Variants in LUZP2 observed in about 807,000 individuals in gnomAD.
LUZP2 encodes leucine zipper protein 2.
In LUZP2, 52 loss-of-function variants were observed where a neutral mutation model predicts 51.6. The ratio of observed to expected loss-of-function variants is 1.01; its 90% CI spans 0.81 to 1.27. The LOEUF (loss-of-function observed/expected upper bound fraction) is 1.27. LUZP2 is among the 50% of genes most tolerant of loss of function. The pLI is 0.00. For missense variants in LUZP2, 436 were observed against 395.4 expected, an observed-to-expected ratio of 1.10 and a Z score of -0.87; for synonymous variants, 154 against 137.3, an observed-to-expected ratio of 1.12 and a Z score of -0.85.
rs138318477 is a variant in LUZP2, at chr11:24,898,885, A to G, written c.397-7106A>G. Among the ~76,000 whole-genome samples, 507 of 151,774 alleles carry G rather than the reference A, an allele frequency of 3.3e-3. 4 individuals are homozygous for G. Among genetic ancestry groups the G allele is most frequent in the African/African-American group, 0.012 (475 of 41,050 alleles). On this transcript the variant is annotated intron_variant, in intron 5 of 11. Transcript: ENST00000336930. ...TACAGTGTTCTATTAGATGGGACCAATGTTAAAAATAAACTCTGAGTTAAG... is the reference window on the plus strand; with the variant it reads ...TACAGTGTTCTATTAGATGGGACCAGTGTTAAAAATAAACTCTGAGTTAAG...
chr11:24,753,940 T>C (rs1044083795), intron 4 of LUZP2, among the ~76,000 whole-genome samples: 1 of 152,196 alleles, frequency 6.6e-6, no homozygotes, highest in African/African-American at 2.4e-5. Flanking sequence ...CAAACTGGTT[T>C]GGGGCCCTTT....
chr11:24,938,801 A>G (rs1438364244), intron 7 of LUZP2, among the ~76,000 whole-genome samples: 1 of 152,212 alleles, frequency 6.6e-6, no homozygotes, highest in Non-Finnish European at 1.5e-5. Flanking sequence ...TGCCCATTCA[A>G]TTCTGGCTAT....
At chr11:25,044,566 G>A (rs2134013251) in intron 9 of LUZP2, among the ~76,000 whole-genome samples, 1 of 152,132 alleles carries the variant, frequency 6.6e-6, no homozygotes. Flanking sequence ...TCACACTCAT[G>A]AAGAAATGCA....
At chr11:24,690,980 A>T (rs1857046506) in intron 1 of LUZP2, among the ~76,000 whole-genome samples, 1 of 152,182 alleles carries the variant, frequency 6.6e-6, no homozygotes, top group Admixed American at 6.6e-5. Context: ...TAACAACAAC[A>T]TAGATGTTGT....
Position 25,054,072 on chromosome 11 carries a change from C to A in LUZP2, c.858+3942C>A, listed in dbSNP as rs368831931. Among the ~76,000 whole-genome samples, 30 of 152,284 alleles carry A rather than the reference C, an allele frequency of 2.0e-4. No homozygotes were observed. The South Asian group carries it at 6.0e-3, about 30-fold the overall frequency. On this transcript the variant is annotated intron_variant, in intron 10 of 11. Transcript: ENST00000336930. Reference sequence around the variant, plus strand: ...ATTAAAGATATTACATAAATATTCCCATCAACTACTGGCTCCAGCAGCTTT... The same window carrying A: ...ATTAAAGATATTACATAAATATTCCAATCAACTACTGGCTCCAGCAGCTTT...
chr11:24,997,470 G>T (rs1384113215), intron 9 of LUZP2, among the ~76,000 whole-genome samples: 1 of 152,090 alleles, frequency 6.6e-6, no homozygotes, highest in Non-Finnish European at 1.5e-5. Flanking sequence ...GGGGTTGTTT[G>T]TCTTTTTCTT....
chr11:24,683,249 T>C (rs184387692), intron 1 of LUZP2, among the ~76,000 whole-genome samples: 1 of 152,332 alleles, frequency 6.6e-6, no homozygotes, highest in East Asian at 1.9e-4. Context: ...CTAAACTTCT[T>C]GAGCAAAGAC....
intron 6 of LUZP2, 26 bp downstream of exon 6, chr11:24,906,079 C>T (rs765471538): frequency 1.3e-6 from 2 of 1,567,400 alleles, no homozygotes; most frequent in Non-Finnish European, 1.8e-6. Flanking sequence ...CTTCTTCTAG[C>T]TTTAACCAGA....
At position 24,741,874 on chromosome 11, in the gene LUZP2, T is replaced by A. The variant is rs1859159783; in HGVS notation, c.333+3572T>A. Among the ~76,000 whole-genome samples the A allele has an allele frequency of 2.2e-5, 3 of 134,448 alleles. No individual in the cohort carries two copies. In the South Asian group the frequency reaches 6.4e-4, roughly 29 times the overall value. The allele number at this position is 134,448 out of a possible 152,430, so 88.2% of individuals were successfully genotyped here. ...ATAAATATATAAATGTATATATATT[T>A]ATAAATATATATTTATATACATATA... On this transcript the variant is annotated intron_variant, in intron 4 of 11. Coordinates refer to ENST00000336930, the MANE Select transcript of LUZP2 (RefSeq NM_001009909.4).
intron 7 of LUZP2, among the ~76,000 whole-genome samples, chr11:24,922,246 A>G (rs1057428673): frequency 5.9e-5 from 9 of 152,120 alleles, no homozygotes; most frequent in Non-Finnish European, 1.3e-4. Flanking sequence ...TTCAGACACC[A>G]CAGTGGCATG....
intron 1 of LUZP2, among the ~76,000 whole-genome samples, chr11:24,679,595 T>A (rs1367850693): frequency 6.6e-6 from 1 of 152,186 alleles, no homozygotes; most frequent in East Asian, 1.9e-4. Context: ...TCCTTTATTT[T>A]TAAAAGATAT....
At chr11:24,764,774 A>G (rs1362212142) in intron 5 of LUZP2, among the ~76,000 whole-genome samples, 1 of 152,142 alleles carries the variant, frequency 6.6e-6, no homozygotes, top group Non-Finnish European at 1.5e-5. Context: ...AGGGTTGCTT[A>G]AGGCCAAGAG....
At chr11:24,814,459 A>AGTCTT (rs1451594633) in intron 5 of LUZP2, among the ~76,000 whole-genome samples, 2 of 152,182 alleles carry the variant, frequency 1.3e-5, no homozygotes, top group African/African-American at 4.8e-5. Context: ...TTTATGAAAG[A>AGTCTT]GTCTTCCTTC....
At chr11:24,816,326 C>T (rs1463771985) in intron 5 of LUZP2, among the ~76,000 whole-genome samples, 5 of 151,560 alleles carry the variant, frequency 3.3e-5, no homozygotes, top group Non-Finnish European at 7.4e-5. Context: ...GATAGTGTCA[C>T]CTCAACAGTA....
intron 8 of LUZP2, among the ~76,000 whole-genome samples, chr11:24,979,860 A>C (rs1855977782): frequency 6.6e-6 from 1 of 151,760 alleles, no homozygotes; most frequent in Non-Finnish European, 1.5e-5. Context: ...ACCTACACAG[A>C]CTCCAATGAC....
At chr11:25,025,327 A>G (rs1857459346) in intron 9 of LUZP2, among the ~76,000 whole-genome samples, 1 of 152,198 alleles carries the variant, frequency 6.6e-6, no homozygotes, top group Non-Finnish European at 1.5e-5. Flanking sequence ...GCTTCTGCAC[A>G]GCAAAAGAAA....
rs767479143 is a variant in LUZP2, at chr11:24,681,276, C to T, written c.63-47893C>T. The stretch of plus-strand genomic sequence containing the variant: ...GATTACAGGTGTGAGCCACCGCGCC[C>T]GGCCTAATTTCCTTATTTCTCTAAG... On this transcript the variant is annotated intron_variant, in intron 1 of 11. Coordinates refer to ENST00000336930, the MANE Select transcript of LUZP2 (RefSeq NM_001009909.4). 7.9e-5 allele frequency among the ~76,000 whole-genome samples: 12 copies of T among 152,280 alleles called. No homozygotes were observed. The East Asian group carries it at 9.7e-4, about 12-fold the overall frequency.
At chr11:24,950,176 T>C (rs1855037113) in intron 7 of LUZP2, among the ~76,000 whole-genome samples, 2 of 151,264 alleles carry the variant, frequency 1.3e-5, no homozygotes, top group African/African-American at 4.8e-5. Flanking sequence ...AGATCAATGA[T>C]GAATGGATGG....
chr11:25,015,625 T>C (rs1857125946), intron 9 of LUZP2, among the ~76,000 whole-genome samples: 1 of 152,112 alleles, frequency 6.6e-6, no homozygotes, highest in Admixed American at 6.5e-5. Context: ...ATGCTTGGAC[T>C]GGAGTTACAG....
Sources: gnomAD v4.1 joint callset for allele counts (sites outside exome capture counted in the v4.1 genomes callset) on GRCh38, gnomAD v4.1.1 for gene constraint, MANE v1.5 for transcripts, NCBI Gene and HGNC (gene_info 2026-07-23, HGNC 2026-07-21) for gene names.